PTPRR: variants seen among roughly 807,000 people sequenced by gnomAD.
The protein encoded by PTPRR is protein tyrosine phosphatase receptor type R.
PTPRR carries 38 observed loss-of-function variants against 77.2 expected under a neutral mutation model. The ratio of observed to expected loss-of-function variants is 0.49; its 90% CI spans 0.38 to 0.65. PTPRR has a LOEUF of 0.65. Among genes scored for constraint, PTPRR ranks in the 30% least tolerant of loss-of-function variants. The pLI is 0.00. For synonymous variants in PTPRR, 299 were observed against 283.1 expected (o/e 1.06, Z -0.57); for missense variants, 744 against 799.2 (o/e 0.93, Z 0.83).
intron 2 of PTPRR, among the ~76,000 whole-genome samples, chr12:70,846,143 C>G (rs1265872500): frequency 6.6e-6 from 1 of 151,916 alleles, no homozygotes; most frequent in Admixed American, 6.6e-5. Flanking sequence ...AAGTAGAAAA[C>G]AAATTAGTTG....
At chr12:70,884,871 C>CAAAAAAAAAAAAAAAAAAAAA (rs529547383) in intron 2 of PTPRR, among the ~76,000 whole-genome samples, 8 of 53,936 alleles carry the variant, frequency 1.5e-4, no homozygotes, top group African/African-American at 6.5e-4. Context: ...AACTCTGTCT[C>CAAAAAAAAAAAAAAAAAAAAA]AAAAAAAAAA....
chr12:70,786,798 T>C (rs1020643850), intron 2 of PTPRR, among the ~76,000 whole-genome samples: 2 of 152,188 alleles, frequency 1.3e-5, no homozygotes, highest in African/African-American at 2.4e-5. Context: ...TGAAATGAGG[T>C]TTATTGGCAT....
chr12:70,710,547 A>G (rs920607964), intron 6 of PTPRR, among the ~76,000 whole-genome samples: 5 of 152,316 alleles, frequency 3.3e-5, no homozygotes, highest in African/African-American at 1.2e-4. Flanking sequence ...GGAAAAATTG[A>G]CAAATGGGAT....
intron 10 of PTPRR, among the ~76,000 whole-genome samples, chr12:70,670,681 G>A (rs1296481566): frequency 2.0e-5 from 3 of 152,128 alleles, no homozygotes; most frequent in African/African-American, 4.8e-5. Flanking sequence ...GCTTTGTTTC[G>A]CTGGAAGTGT....
chr12:70,815,369 G>T (rs772023927), intron 2 of PTPRR, among the ~76,000 whole-genome samples: 2 of 152,078 alleles, frequency 1.3e-5, no homozygotes, highest in Non-Finnish European at 2.9e-5. Flanking sequence ...AAATTGGTGG[G>T]GGGGAGTTCT....
chr12:70,719,466 C>T lies in PTPRR; in HGVS notation c.1008-18143G>A, dbSNP rs77275283. 8.5e-3 allele frequency among the ~76,000 whole-genome samples: 1,297 copies of T among 151,954 alleles called. 17 individuals carry two copies. Among genetic ancestry groups the T allele is most frequent in the Non-Finnish European group, 0.012 (832 of 68,002 alleles). ...AAATCCTAATGGAACTCCTTGACAA[C>T]CCCTTGACTAAATTACATTAGTAAT... is the stretch of plus-strand genomic sequence containing the variant. On this transcript the variant is annotated intron_variant, in intron 6 of 13. Transcript: ENST00000283228.
intron 1 of PTPRR, among the ~76,000 whole-genome samples, chr12:70,918,173 A>G (rs1242725366): frequency 1.3e-5 from 2 of 152,216 alleles, no homozygotes; most frequent in African/African-American, 2.4e-5. Context: ...AAGCCCTAAC[A>G]ATGTTATTAG....
At position 70,768,024 on chromosome 12, in the gene PTPRR, G is replaced by C. The variant is rs539533782; in HGVS notation, c.358-3246C>G. Among the ~76,000 whole-genome samples the C allele has an allele frequency of 4.6e-5, 7 of 152,092 alleles. No homozygotes were observed. In the South Asian group the frequency reaches 1.2e-3, roughly 27 times the overall value. ...GGACACATTCAAAGCAGTGTGTAGA[G>C]GGAAATTTATAGCACTAAATGCCCA... is the stretch of plus-strand genomic sequence containing the variant. On this transcript the variant is annotated intron_variant, in intron 2 of 13. Coordinates refer to ENST00000283228, the MANE Select transcript of PTPRR (RefSeq NM_002849.4).
chr12:70,899,326 A>G (rs1893489963), intron 1 of PTPRR, among the ~76,000 whole-genome samples: 1 of 151,458 alleles, frequency 6.6e-6, no homozygotes, highest in Non-Finnish European at 1.5e-5. Context: ...CCTCAACAAA[A>G]TATTAGCAAA....
intron 2 of PTPRR, chr12:70,788,908 C>A: frequency 3.4e-6 from 5 of 1,473,358 alleles, no homozygotes; most frequent in Middle Eastern, 1.8e-4. Context: ...CAGGACTAAT[C>A]GTAAAGCTTT....
intron 13 of PTPRR, among the ~76,000 whole-genome samples, chr12:70,641,964 T>G (rs1886019795): frequency 6.6e-6 from 1 of 152,218 alleles, no homozygotes; most frequent in Non-Finnish European, 1.5e-5. Context: ...TCAATATTTC[T>G]GTACAGCCTG....
intron 2 of PTPRR, among the ~76,000 whole-genome samples, chr12:70,768,343 C>A (rs1890880341): frequency 6.6e-6 from 1 of 152,212 alleles, no homozygotes; most frequent in African/African-American, 2.4e-5. Context: ...ATCGATCCCA[C>A]AGAAATACAA....
At chr12:70,741,408 A>AAGG (rs1051295406) in intron 6 of PTPRR, among the ~76,000 whole-genome samples, 13 of 152,260 alleles carry the variant, frequency 8.5e-5, no homozygotes, top group Admixed American at 6.5e-4. Flanking sequence ...GGGCTGGAGG[A>AAGG]AGGAGGAGGA....
chr12:70,889,329 G>A (rs1036859151), intron 2 of PTPRR, among the ~76,000 whole-genome samples: 21 of 152,066 alleles, frequency 1.4e-4, no homozygotes, highest in African/African-American at 3.1e-4. Context: ...TGAGAAAGCC[G>A]GACTTTCAAA....
At chr12:70,823,611 C>T (rs758074636) in intron 2 of PTPRR, among the ~76,000 whole-genome samples, 2 of 152,164 alleles carry the variant, frequency 1.3e-5, no homozygotes, top group Admixed American at 6.5e-5. Flanking sequence ...GCTTGGAGCT[C>T]CCTCTCCCTT....
intron 2 of PTPRR, among the ~76,000 whole-genome samples, chr12:70,779,859 A>T (rs1434241637): frequency 8.5e-5 from 13 of 152,204 alleles, no homozygotes; most frequent in Non-Finnish European, 2.9e-5. Context: ...GTAATACCTA[A>T]TCATTAAAAA....
At chr12:70,889,203 A>G (rs182567727) in intron 2 of PTPRR, among the ~76,000 whole-genome samples, 25 of 152,322 alleles carry the variant, frequency 1.6e-4, no homozygotes, top group Admixed American at 1.2e-3. Context: ...CGGGTAATCC[A>G]CTACACAAAT....
At chr12:70,802,801 G>T (rs537567690) in intron 2 of PTPRR, among the ~76,000 whole-genome samples, 80 of 152,128 alleles carry the variant, frequency 5.3e-4, no homozygotes, top group Non-Finnish European at 5.1e-4. Context: ...ATATGATTCT[G>T]TGAGACTATA....
chr12:70,872,711 A>C (rs1350391271), intron 2 of PTPRR, among the ~76,000 whole-genome samples: 1 of 149,882 alleles, frequency 6.7e-6, no homozygotes. Context: ...AAAAAAAAAA[A>C]AAAAAAAAAC....
Sources: allele counts gnomAD v4.1 joint callset (sites outside exome capture counted in the v4.1 genomes callset), GRCh38; gene constraint gnomAD v4.1.1; transcripts MANE v1.5; gene names NCBI Gene and HGNC (gene_info 2026-07-23, HGNC 2026-07-21).